The following PAK5 variants were observed in gnomAD, a reference collection of about 807,000 sequenced individuals.
PAK5 encodes p21 (RAC1) activated kinase 5, also known as serine/threonine-protein kinase PAK 5.
A neutral mutation model predicts 65.9 loss-of-function variants in PAK5; 16 were observed. That is an observed-to-expected ratio of 0.24 (90% confidence interval 0.16 to 0.37). The LOEUF is 0.37. Ranked by LOEUF, PAK5 falls within the 10% of genes least tolerant of loss-of-function variation. The pLI is 1.00. For synonymous variants in PAK5, 371 were observed against 354.9 expected, an observed-to-expected ratio of 1.05 and a Z score of -0.51; for missense variants, 785 against 903.9, an observed-to-expected ratio of 0.87 and a Z score of 1.69.
At chr20:9,703,912 A>T (rs2047972239) in intron 2 of PAK5, among the ~76,000 whole-genome samples, 1 of 152,178 alleles carries the variant, frequency 6.6e-6, no homozygotes, top group African/African-American at 2.4e-5. Context: ...GAAAGATCTT[A>T]AGACATGCAA....
chr20:9,670,004 G>C (rs1466843037), intron 2 of PAK5, among the ~76,000 whole-genome samples: 5 of 151,826 alleles, frequency 3.3e-5, no homozygotes, highest in Non-Finnish European at 5.9e-5. Context: ...TCCCACCTAT[G>C]AGTGAGAACA....
intron 2 of PAK5, among the ~76,000 whole-genome samples, chr20:9,669,440 T>G (rs1443307686): frequency 6.6e-6 from 1 of 152,192 alleles, no homozygotes; most frequent in Non-Finnish European, 1.5e-5. Flanking sequence ...TGCCTTTTCT[T>G]CTATATTTAG....
chr20:9,716,039 G>A (rs1373813836), intron 1 of PAK5, among the ~76,000 whole-genome samples: 2 of 151,896 alleles, frequency 1.3e-5, no homozygotes, highest in African/African-American at 4.8e-5. Context: ...AGAACTTAAA[G>A]TGTAATAAAA....
intron 3 of PAK5, among the ~76,000 whole-genome samples, chr20:9,590,314 C>T (rs1025209291): frequency 7.9e-5 from 12 of 152,086 alleles, no homozygotes; most frequent in Admixed American, 3.3e-4. Context: ...AAATTAAATA[C>T]GTGGCTTGCA....
chr20:9,742,081 A>G (rs2048456545), intron 1 of PAK5, among the ~76,000 whole-genome samples: 1 of 152,140 alleles, frequency 6.6e-6, no homozygotes, highest in Admixed American at 6.5e-5. Context: ...GAATAAGGTC[A>G]TGTGCTATCC....
intron 2 of PAK5, among the ~76,000 whole-genome samples, chr20:9,692,624 A>G (rs1037048765): frequency 1.3e-5 from 2 of 152,220 alleles, no homozygotes; most frequent in Non-Finnish European, 2.9e-5. Flanking sequence ...TTTGGAAATT[A>G]ATCATCACCC....
In PAK5 at chr20:9,576,261, C is replaced by A. The variant is rs6056712; in HGVS notation, c.990+3884G>T. On this transcript the variant is annotated intron_variant, in intron 4 of 9. Transcript: ENST00000353224. ...CAGTTAATAAGTGGCAATGTCAAGA[C>A]TCAAACCCAGGCAGTTTATCTCCAA... 3.4e-3 allele frequency among the ~76,000 whole-genome samples: 513 copies of A among 152,206 alleles called. 5 individuals are homozygous for A. Among genetic ancestry groups the A allele is most frequent in the African/African-American group, 0.011 (461 of 41,508 alleles).
intron 1 of PAK5, among the ~76,000 whole-genome samples, chr20:9,835,010 G>A (rs1979029733): frequency 6.6e-6 from 1 of 152,128 alleles, no homozygotes; most frequent in South Asian, 2.1e-4. Context: ...GCCTAAATCA[G>A]TTCTTAAAAG....
intron 2 of PAK5, among the ~76,000 whole-genome samples, chr20:9,702,820 C>G (rs1318151406): frequency 6.6e-6 from 1 of 152,176 alleles, no homozygotes; most frequent in Non-Finnish European, 1.5e-5. Flanking sequence ...ACCTCTAACA[C>G]TAAGCACTGC....
intron 1 of PAK5, among the ~76,000 whole-genome samples, chr20:9,835,851 G>A (rs893362486): frequency 1.3e-5 from 2 of 152,214 alleles, no homozygotes; most frequent in African/African-American, 4.8e-5. Context: ...ACCAGGTTAA[G>A]AAGGACTAGA....
At chr20:9,761,218 T>C (rs1418721102) in intron 1 of PAK5, among the ~76,000 whole-genome samples, 1 of 152,130 alleles carries the variant, frequency 6.6e-6, no homozygotes, top group African/African-American at 2.4e-5. Context: ...CCTGATGCTG[T>C]ATTAACTGAA....
At chr20:9,583,014 C>A (rs989697654) in intron 3 of PAK5, among the ~76,000 whole-genome samples, 2 of 152,060 alleles carry the variant, frequency 1.3e-5, no homozygotes, top group African/African-American at 4.8e-5. Context: ...ATTTTCCCTG[C>A]CCTTCCCCCC....
chr20:9,544,913 CTTTT>C (rs765154496), intron 7 of PAK5, among the ~76,000 whole-genome samples: 16 of 152,122 alleles, frequency 1.1e-4, no homozygotes, highest in Non-Finnish European at 2.2e-4. Flanking sequence ...AATTTAGATT[CTTTT>C]GAGTTGAGCA....
intron 2 of PAK5, among the ~76,000 whole-genome samples, chr20:9,664,877 T>A (rs918030110): frequency 6.6e-6 from 1 of 152,000 alleles, no homozygotes; most frequent in Non-Finnish European, 1.5e-5. Context: ...AAAAAAAGAA[T>A]CCCTCAAAAA....
Position 9,583,041 on chromosome 20 carries a change from C to T in PAK5, c.205-2111G>A, listed in dbSNP as rs73061775. On this transcript the variant is annotated intron_variant, in intron 3 of 9. Transcript: ENST00000353224. ...CTTCCCCCCAAATCAGGCATTTCTC[C>T]AAGGAACGCTAATAGTATTAGAAAT... Among the ~76,000 whole-genome samples the T allele has an allele frequency of 4.3e-3, 659 of 152,186 alleles. 2 individuals are homozygous for T. Among genetic ancestry groups the T allele is most frequent in the Middle Eastern group, 0.014 (4 of 294 alleles).
intron 6 of PAK5, among the ~76,000 whole-genome samples, chr20:9,559,670 C>A (rs926496706): frequency 1.3e-5 from 2 of 151,900 alleles, no homozygotes; most frequent in African/African-American, 4.8e-5. Context: ...GGTTGAAACA[C>A]GAGAATTGCT....
chr20:9,726,305 G>T (rs1600293106), intron 1 of PAK5, among the ~76,000 whole-genome samples: 1 of 152,044 alleles, frequency 6.6e-6, no homozygotes, highest in African/African-American at 2.4e-5. Flanking sequence ...TACTTTTCTT[G>T]AATATGATTG....
At chr20:9,645,150 T>C (rs1053875149) in intron 2 of PAK5, among the ~76,000 whole-genome samples, 13 of 152,190 alleles carry the variant, frequency 8.5e-5, no homozygotes, top group African/African-American at 2.7e-4. Flanking sequence ...TTGACTGATA[T>C]TACCTGCAGA....
At chr20:9,826,588 C>T (rs8115801) in intron 1 of PAK5, among the ~76,000 whole-genome samples, 39,532 of 152,016 alleles carry the variant, frequency 0.26, 5,965 homozygotes, top group African/African-American at 0.42. Context: ...CTTCTATCTC[C>T]GAGAATTCTG....
Sources: gnomAD v4.1 joint callset for allele counts (sites outside exome capture counted in the v4.1 genomes callset) on GRCh38, gnomAD v4.1.1 for gene constraint, MANE v1.5 for transcripts, NCBI Gene and HGNC (gene_info 2026-07-23, HGNC 2026-07-21) for gene names.